The following MYH14 variants were observed in gnomAD, a reference collection of about 807,000 sequenced individuals.
The protein encoded by MYH14 is myosin-14.
A neutral mutation model predicts 255.5 loss-of-function variants in MYH14; 123 were observed. That is an observed-to-expected ratio of 0.48 (90% CI 0.42 to 0.56). The LOEUF is 0.56. Among genes scored for constraint, MYH14 ranks in the 20% least tolerant of loss-of-function variants. The probability of loss-of-function intolerance (pLI) is 0.00; values close to 1 mark genes in which losing one functional copy is unlikely to be tolerated. For synonymous variants in MYH14, 1,095 were observed against 1,161.2 expected, an observed-to-expected ratio of 0.94 and a Z score of 1.16; for missense variants, 2,423 against 2,802.3, an observed-to-expected ratio of 0.86 and a Z score of 3.06.
chr19:50,254,605 T>C (rs1030833902), intron 16 of MYH14, among the ~76,000 whole-genome samples: 15 of 152,102 alleles, frequency 9.9e-5, no homozygotes, highest in Non-Finnish European at 2.2e-4. Flanking sequence ...GCCTCCCGAG[T>C]AGCTGGGGAG....
rs561365086 is a variant in MYH14, at chr19:50,302,672, G to A, written c.5678+803G>A. Reference sequence around the variant, plus strand: ...TCCCAGCACTTTGGGAGGCTGAGGCGGGCAGATCACCTGAGGTCGGGAGTT... The same window carrying A: ...TCCCAGCACTTTGGGAGGCTGAGGCAGGCAGATCACCTGAGGTCGGGAGTT... On this transcript the variant is annotated intron_variant, in intron 40 of 42. Transcript: ENST00000642316. Among the ~76,000 whole-genome samples, 771 of 152,070 alleles carry A rather than the reference G, an allele frequency of 5.1e-3. 8 individuals are homozygous for A. The highest frequency in any genetic ancestry group is 6.9e-3 in the Non-Finnish European group (467 of 67,982).
In MYH14 at chr19:50,204,011, C is replaced by T. The variant is rs190560607; in HGVS notation, c.-4+340C>T. Reference sequence around the variant, plus strand: ...ACCTGAGTCATCGCCTCCAGTCCCCCGCCCCCAGCATGACATGTCTCTGTT... The same window carrying T: ...ACCTGAGTCATCGCCTCCAGTCCCCTGCCCCCAGCATGACATGTCTCTGTT... On this transcript the variant is annotated intron_variant, in intron 1 of 42. Transcript: ENST00000642316. Among the ~76,000 whole-genome samples, 126 of 152,288 alleles carry T rather than the reference C, an allele frequency of 8.3e-4. 1 individual carries two copies. The highest frequency in any genetic ancestry group is 1.7e-3 in the Admixed American group (26 of 15,296).
intron 2 of MYH14, 77 bp from the exon 3 acceptor site, chr19:50,217,538 G>T (rs10412634): frequency 5.1e-6 from 8 of 1,556,626 alleles, no homozygotes; most frequent in Non-Finnish European, 3.5e-6. Flanking sequence ...GCAGTGCACG[G>T]CCTGCTCAGC....
At chr19:50,274,979 C>T (rs961848689) in intron 27 of MYH14, among the ~76,000 whole-genome samples, 3 of 151,558 alleles carry the variant, frequency 2.0e-5, no homozygotes, top group Non-Finnish European at 2.9e-5. Flanking sequence ...CCCTCCTTCT[C>T]CCCAGCCTGG....
intron 8 of MYH14, among the ~76,000 whole-genome samples, chr19:50,229,288 T>A (rs1205815322): frequency 2.0e-5 from 3 of 152,104 alleles, no homozygotes; most frequent in Non-Finnish European, 4.4e-5. Context: ...TGCATGAGTG[T>A]GGTGGTGCAT....
Position 50,281,786 on chromosome 19 carries a change from G to GAGC in MYH14, c.4490_4492dup (p.Gln1497dup). The GAGC allele has an allele frequency of 6.2e-7, 1 of 1,612,730 alleles. No individual in the cohort carries two copies. The highest frequency in any genetic ancestry group is 8.5e-7 in the Non-Finnish European group (1 of 1,179,764). ...GCTGGACGACGCCACCATGGACCTG[G>GAGC]AGCAGCAGCGGCAGCTTGTGAGCAC... On this transcript the variant is annotated inframe_insertion, in exon 33 of 43. Transcript: ENST00000642316.
intron 29 of MYH14, among the ~76,000 whole-genome samples, chr19:50,277,534 A>G (rs1300287160): frequency 6.6e-6 from 1 of 151,934 alleles, no homozygotes; most frequent in African/African-American, 2.4e-5. Context: ...CTTGAACCCA[A>G]GAAGCAGAGG....
intron 10 of MYH14, 64 bp from the exon 11 acceptor site, chr19:50,244,178 G>A: frequency 1.4e-6 from 2 of 1,416,732 alleles, no homozygotes; most frequent in Non-Finnish European, 2.0e-6. Flanking sequence ...CATGTTTAAG[G>A]GGCCAGTTAA....
At chr19:50,267,986 C>T (rs2035151664) in intron 23 of MYH14, among the ~76,000 whole-genome samples, 175 bp from the exon 24 acceptor site, 1 of 152,010 alleles carries the variant, frequency 6.6e-6, no homozygotes, top group Non-Finnish European at 1.5e-5. Context: ...GGGATGTGGG[C>T]TCATCCTGAG....
At chr19:50,262,044 C>T (rs1361894454) in intron 21 of MYH14, among the ~76,000 whole-genome samples, 11 of 152,102 alleles carry the variant, frequency 7.2e-5, no homozygotes, top group Non-Finnish European at 1.2e-4. Flanking sequence ...GTCCCAGTCC[C>T]GGGTGAGACC....
At position 50,289,419 on chromosome 19, in the gene MYH14, G is replaced by C. The variant is rs1390004080; in HGVS notation, c.4753-17G>C. 6.3e-7 allele frequency: 1 copy of C among 1,593,792 alleles called. No individual in the cohort carries two copies. The highest frequency in any genetic ancestry group is 1.8e-5 in the Admixed American group (1 of 56,984). On this transcript the variant is annotated splice_polypyrimidine_tract_variant and intron_variant, in intron 34 of 42. Transcript: ENST00000642316. The stretch of plus-strand genomic sequence containing the variant: ...GCCTCAGTGACCCAGGTACCCAGCA[G>C]CTACTCTCCCCACCAGGTGCATGAG...
Position 50,280,460 on chromosome 19 carries a change from T to TG in MYH14, c.4290+79dup. 1 of 1,412,402 alleles carries TG rather than the reference T, an allele frequency of 7.1e-7. No individual in the cohort carries two copies. The highest frequency in any genetic ancestry group is 9.4e-7 in the Non-Finnish European group (1 of 1,063,188). The allele number at this position is 1,412,402 out of a possible 1,614,324, so 87.5% of individuals were successfully genotyped here. A position where few individuals can be genotyped will look rare whatever the true frequency, so the allele number is the denominator to read the frequency against. On this transcript the variant is annotated intron_variant, in intron 32 of 42. Transcript: ENST00000642316. This position sits in a 1 kb window ranked among gnomAD's most constrained non-coding sequence, Gnocchi z 4.8. ...CCTCCTGGGTTCCCCAGCTCAGGGATGGCCATGCTGCCCACCTTCTCATAG... is the reference window on the plus strand; with the variant it reads ...CCTCCTGGGTTCCCCAGCTCAGGGATGGGCCATGCTGCCCACCTTCTCATAG...
chr19:50,260,434 A>G (rs979830706), intron 19 of MYH14, among the ~76,000 whole-genome samples: 2 of 152,142 alleles, frequency 1.3e-5, no homozygotes, highest in East Asian at 3.8e-4. Flanking sequence ...CAAAAAACAA[A>G]CAAAACAAAA....
chr19:50,220,372 TTTA>T (rs1347735193), intron 3 of MYH14, among the ~76,000 whole-genome samples: 3 of 148,660 alleles, frequency 2.0e-5, no homozygotes, highest in African/African-American at 4.9e-5. Flanking sequence ...ATACTTTATT[TTTA>T]TTATACTTCA....
Position 50,217,695 on chromosome 19 carries a change from C to T in MYH14, c.486C>T (p.Tyr162=). ...ACACAGAAGCCATTGTGGAGATGTACCGGGGCAAGAAGCGCCACGAGGTGC... is the reference window on the plus strand; with the variant it reads ...ACACAGAAGCCATTGTGGAGATGTATCGGGGCAAGAAGCGCCACGAGGTGC... ...PIYTEAIVEM[Y]RGKKRHEVPP... The change falls in exon 3 of 43, where the codon TAC becomes TAT. Residue 162 remains tyrosine (Y), a synonymous_variant. Coordinates refer to ENST00000642316, the MANE Select transcript of MYH14 (RefSeq NM_001145809.2). The T allele has an allele frequency of 6.2e-7, 1 of 1,614,008 alleles. No individual in the cohort carries two copies. Among genetic ancestry groups the T allele is most frequent in the Non-Finnish European group, 8.5e-7 (1 of 1,179,904 alleles).
At chr19:50,301,546 T>C (rs1202766397) in intron 39 of MYH14, 115 bp from the exon 40 acceptor site, 2 of 700,950 alleles carry the variant, frequency 2.9e-6, no homozygotes, top group African/African-American at 3.5e-5. Context: ...TTTCAGGCTC[T>C]GTGCTATGCG....
chr19:50,260,777 G>A lies in MYH14; in HGVS notation c.2424+62G>A, dbSNP rs549675952. 5.4e-5 allele frequency: 66 copies of A among 1,223,488 alleles called. 1 individual carries two copies. Among genetic ancestry groups the A allele is most frequent in the South Asian group, 2.6e-4 (21 of 79,354 alleles). The allele number at this position is 1,223,488 out of a possible 1,614,324, so 75.8% of individuals were successfully genotyped here. Reference sequence around the variant, plus strand: ...TGTGTGTGTGCGTGCATGAGTGTGCGTGCATGTGTGTGTGCATGCATATGT... The same window carrying A: ...TGTGTGTGTGCGTGCATGAGTGTGCATGCATGTGTGTGTGCATGCATATGT... On this transcript the variant is annotated intron_variant, in intron 20 of 42. Transcript: ENST00000642316.
At chr19:50,233,314 C>A (rs577769808) in intron 10 of MYH14, among the ~76,000 whole-genome samples, 4 of 152,150 alleles carry the variant, frequency 2.6e-5, no homozygotes, top group African/African-American at 9.6e-5. Flanking sequence ...GGATTACAGG[C>A]GCCCGCCACC....
intron 30 of MYH14, 105 bp downstream of exon 30, chr19:50,278,394 G>C: frequency 2.4e-6 from 2 of 823,920 alleles, no homozygotes. Flanking sequence ...TGTCTCGTTT[G>C]GCTCTTCCAA....
Sources: allele counts gnomAD v4.1 joint callset (sites outside exome capture counted in the v4.1 genomes callset), GRCh38; gene constraint gnomAD v4.1.1; non-coding constraint Gnocchi (gnomAD v3.1); transcripts MANE v1.5; gene names NCBI Gene and HGNC (gene_info 2026-07-23, HGNC 2026-07-21).